TTC28: variants seen among roughly 807,000 people sequenced by gnomAD.
TTC28 encodes the protein tetratricopeptide repeat protein 28.
In TTC28, 61 loss-of-function variants were observed where a neutral mutation model predicts 198.0. The ratio of observed to expected loss-of-function variants is 0.31; its 90% CI spans 0.25 to 0.38. The LOEUF is 0.38. TTC28 is among the 10% of genes least tolerant of loss of function. The pLI is 1.00. For synonymous variants in TTC28, 1,171 were observed against 1,297.8 expected (o/e 0.90, Z 2.10); for missense variants, 2,678 against 3,164.0 (o/e 0.85, Z 3.69).
At chr22:28,264,226 G>A (rs933009954) in intron 5 of TTC28, among the ~76,000 whole-genome samples, 1 of 152,054 alleles carries the variant, frequency 6.6e-6, no homozygotes, top group Non-Finnish European at 1.5e-5. Context: ...AGATCTGATG[G>A]TTTTATAAAG....
intron 2 of TTC28, among the ~76,000 whole-genome samples, chr22:28,538,979 T>C (rs1392041533): frequency 6.6e-6 from 1 of 152,234 alleles, no homozygotes; most frequent in East Asian, 1.9e-4. Flanking sequence ...TGGGTGCAAA[T>C]AACTGAGGTA....
intron 12 of TTC28, among the ~76,000 whole-genome samples, chr22:28,055,536 A>AG (rs1255953568): frequency 1.3e-5 from 2 of 152,206 alleles, no homozygotes; most frequent in Non-Finnish European, 2.9e-5. Flanking sequence ...ACCTCCGCTT[A>AG]ATGTCTACCA....
intron 2 of TTC28, among the ~76,000 whole-genome samples, chr22:28,590,718 T>C (rs1438316794): frequency 6.6e-6 from 1 of 151,742 alleles, no homozygotes; most frequent in Non-Finnish European, 1.5e-5. Context: ...CGATGAACTT[T>C]TATAAAACAA....
intron 6 of TTC28, among the ~76,000 whole-genome samples, chr22:28,154,647 C>T (rs201239118): frequency 2.0e-5 from 3 of 151,970 alleles, no homozygotes; most frequent in African/African-American, 4.8e-5. Flanking sequence ...TGAGCCACCA[C>T]GCTCAGAAGA....
intron 5 of TTC28, among the ~76,000 whole-genome samples, chr22:28,286,629 T>C (rs2044691245): frequency 6.6e-6 from 1 of 152,162 alleles, no homozygotes; most frequent in Admixed American, 6.5e-5. Flanking sequence ...AATAACTAAT[T>C]CATACATTAC....
intron 20 of TTC28, 28 bp from the exon 21 acceptor site, chr22:27,990,035 CCT>C: frequency 6.5e-7 from 1 of 1,539,518 alleles, no homozygotes; most frequent in South Asian, 1.2e-5. Flanking sequence ...GCGTGAGCAC[CCT>C]GTGTCTCCTT....
rs1440171331 is a variant in TTC28, at chr22:28,279,968, C to T, written c.933+16230G>A. On this transcript the variant is annotated intron_variant, in intron 5 of 22. Coordinates refer to ENST00000397906, the MANE Select transcript of TTC28 (RefSeq NM_001145418.2). ...GTTGCTACACATATTTTAAAATACACAGTTTTTACATCCATTCTTCCATTG... is the reference window on the plus strand; with the variant it reads ...GTTGCTACACATATTTTAAAATACATAGTTTTTACATCCATTCTTCCATTG... Among the ~76,000 whole-genome samples the T allele has an allele frequency of 3.9e-5, 6 of 152,298 alleles. No individual in the cohort carries two copies. In the South Asian group the frequency reaches 8.3e-4, roughly 21 times the overall value.
At chr22:28,660,444 G>A (rs1287482713) in intron 1 of TTC28, among the ~76,000 whole-genome samples, 1 of 152,062 alleles carries the variant, frequency 6.6e-6, no homozygotes, top group African/African-American at 2.4e-5. Flanking sequence ...TTCTGCCTCA[G>A]CCTCCCAAGT....
chr22:28,182,687 G>GAAATTCAT (rs1476529169), intron 5 of TTC28, among the ~76,000 whole-genome samples: 2 of 152,134 alleles, frequency 1.3e-5, no homozygotes, highest in East Asian at 3.8e-4. Context: ...TGAAATGCAT[G>GAAATTCAT]GCTTTTGAAT....
At chr22:28,269,720 T>G (rs932086111) in intron 5 of TTC28, among the ~76,000 whole-genome samples, 3 of 152,180 alleles carry the variant, frequency 2.0e-5, no homozygotes, top group Non-Finnish European at 4.4e-5. Flanking sequence ...AAGACACTTA[T>G]GAAACAGGAG....
rs544203253 is a variant in TTC28 at position 28,411,026 on chromosome 22, C to A, written c.382-104383G>T. On this transcript the variant is annotated intron_variant, in intron 2 of 22. Coordinates refer to ENST00000397906, the MANE Select transcript of TTC28 (RefSeq NM_001145418.2). ...TGGTAATTTGAAAATGAAAAAAAGA[C>A]TTCATTTTTATTCAATTCCTTTATT... Among the ~76,000 whole-genome samples the A allele has an allele frequency of 2.8e-4, 10 of 35,474 alleles. No individual in the cohort carries two copies. In the South Asian group the frequency reaches 7.9e-3, roughly 28 times the overall value. 23.3% of individuals were successfully genotyped at this position (35,474 alleles called of 152,430 possible). A position where few individuals can be genotyped will look rare whatever the true frequency, so the allele number is the denominator to read the frequency against.
intron 2 of TTC28, among the ~76,000 whole-genome samples, chr22:28,354,902 C>T (rs1222958726): frequency 6.6e-6 from 1 of 151,600 alleles, no homozygotes; most frequent in African/African-American, 2.4e-5. Flanking sequence ...ATACATGTGC[C>T]ATGCTGGTGC....
intron 1 of TTC28, among the ~76,000 whole-genome samples, chr22:28,678,155 T>C (rs1200895589): frequency 6.6e-6 from 1 of 152,190 alleles, no homozygotes; most frequent in Non-Finnish European, 1.5e-5. Context: ...CATATTTTAA[T>C]TTAGAATTTT....
intron 5 of TTC28, among the ~76,000 whole-genome samples, chr22:28,201,213 A>G (rs1485565281): frequency 6.6e-6 from 1 of 152,164 alleles, no homozygotes; most frequent in African/African-American, 2.4e-5. Context: ...TCATTCACTC[A>G]ACCAAACCAA....
chr22:28,170,215 C>T (rs1447555113), intron 5 of TTC28, among the ~76,000 whole-genome samples: 7 of 152,044 alleles, frequency 4.6e-5, no homozygotes, highest in South Asian at 2.1e-4. Context: ...AGGCCGGGTG[C>T]GGTGGCTCAC....
chr22:28,141,702 C>T (rs1348985923), intron 6 of TTC28, among the ~76,000 whole-genome samples: 1 of 152,156 alleles, frequency 6.6e-6, no homozygotes, highest in Non-Finnish European at 1.5e-5. Context: ...TCTCTCCTTC[C>T]TATCAACTCT....
In TTC28 at chr22:28,140,903, T is replaced by C. The variant is rs117252701; in HGVS notation, c.1441+22189A>G. 4.3e-3 allele frequency among the ~76,000 whole-genome samples: 642 copies of C among 150,676 alleles called. 28 individuals are homozygous for C. In the East Asian group the frequency reaches 0.086, roughly 20 times the overall value. The stretch of plus-strand genomic sequence containing the variant: ...GGTTAACCAGCATGTTCAGAGAATA[T>C]AAAGCTGTAGTAACCTTTAAATGCA... On this transcript the variant is annotated intron_variant, in intron 6 of 22. Coordinates refer to ENST00000397906, the MANE Select transcript of TTC28 (RefSeq NM_001145418.2).
At chr22:28,563,855 C>T (rs547206835) in intron 2 of TTC28, among the ~76,000 whole-genome samples, 3 of 152,228 alleles carry the variant, frequency 2.0e-5, no homozygotes, top group African/African-American at 4.8e-5. Context: ...TTCGTGACAG[C>T]ATTATTATTC....
At chr22:28,095,267 G>C (rs1267847572) in intron 11 of TTC28, among the ~76,000 whole-genome samples, 1 of 151,982 alleles carries the variant, frequency 6.6e-6, no homozygotes, top group African/African-American at 2.4e-5. Context: ...AAAGAACATG[G>C]AACTAAAGGG....
Sources: allele counts gnomAD v4.1 joint callset (sites outside exome capture counted in the v4.1 genomes callset), GRCh38; gene constraint gnomAD v4.1.1; transcripts MANE v1.5; gene names NCBI Gene and HGNC (gene_info 2026-07-23, HGNC 2026-07-21).